The following SLC33A1 variants were observed in gnomAD, a reference collection of about 807,000 sequenced individuals.
SLC33A1 encodes solute carrier family 33 member 1, also known as acetyl-coenzyme A transporter 1.
SLC33A1 carries 20 observed loss-of-function variants against 50.0 expected under a neutral mutation model. That is an observed-to-expected ratio of 0.40 (90% CI 0.28 to 0.58). The LOEUF is 0.58. Ranked by LOEUF, SLC33A1 falls within the 20% of genes least tolerant of loss-of-function variation. SLC33A1 has a pLI of 0.44. For missense variants in SLC33A1, 476 were observed against 657.0 expected, an observed-to-expected ratio of 0.72 and a Z score of 3.01; for synonymous variants, 265 against 251.8, an observed-to-expected ratio of 1.05 and a Z score of -0.50.
intron 1 of SLC33A1, chr3:155,843,097 C>CTCTTAAACGTAGAGACCCAAAA (rs1491329019): frequency 6.6e-6 from 1 of 151,414 alleles, no homozygotes; most frequent in Non-Finnish European, 1.5e-5. Context: ...ACAGTCCTGA[C>CTCTTAAACGTAGAGACCCAAAA]TCTTAAACGT....
chr3:155,853,654 A>G lies in SLC33A1; in HGVS notation c.344T>C (p.Val115Ala), dbSNP rs1346408563. The G allele has an allele frequency of 2.5e-6, 4 of 1,614,236 alleles. No homozygotes were observed. In the South Asian group the frequency reaches 3.3e-5, roughly 13 times the overall value. ...SYTDQAFFSF[V>A]FWPFSLKLLW... ...TAATTTGAGACTGAAGGGCCAAAAG[A>G]CAAAACTGAAGAAAGCTTGGTCTGT... Residue 115 changes from valine to alanine, a missense_variant, in exon 1 of 6, where the codon GTC becomes GCC. Val to Ala is a moderately conservative substitution (Grantham distance 64). Transcript: ENST00000643144.
intron 1 of SLC33A1, chr3:155,843,133 C>G (rs899020728): frequency 6.6e-6 from 1 of 151,402 alleles, no homozygotes; most frequent in East Asian, 1.9e-4. Context: ...GTGACAACAA[C>G]AACCAAAAAG....
At chr3:155,847,363 A>G (rs1317087999) in intron 1 of SLC33A1, among the ~76,000 whole-genome samples, 1 of 152,196 alleles carries the variant, frequency 6.6e-6, no homozygotes, top group African/African-American at 2.4e-5. Context: ...TCTAACAGGC[A>G]TTTTGAGTCA....
chr3:155,848,250 C>A (rs1371414356), intron 1 of SLC33A1, among the ~76,000 whole-genome samples: 1 of 152,218 alleles, frequency 6.6e-6, no homozygotes, highest in Non-Finnish European at 1.5e-5. Flanking sequence ...ATCTTCCCAT[C>A]TCAGCCTGTC....
At chr3:155,829,264 C>G (rs1406867284) in intron 5 of SLC33A1, among the ~76,000 whole-genome samples, 1 of 152,164 alleles carries the variant, frequency 6.6e-6, no homozygotes, top group African/African-American at 2.4e-5. Flanking sequence ...TCCAGTCCAT[C>G]TACTCTAGAA....
chr3:155,833,372 A>G (rs1752523652), intron 4 of SLC33A1, 96 bp downstream of exon 4: 7 of 786,390 alleles, frequency 8.9e-6, no homozygotes, highest in Non-Finnish European at 1.6e-5. Flanking sequence ...TTCATGCTTA[A>G]AATTTATTAT....
chr3:155,825,168 G>T lies in SLC33A1; in HGVS notation c.*3042C>A. 6.6e-6 allele frequency: 1 copy of T among 151,966 alleles called. No homozygotes were observed. The highest frequency in any genetic ancestry group is 1.5e-5 in the Non-Finnish European group (1 of 67,978). The allele number at this position is 151,966 out of a possible 1,614,324, so 9.4% of individuals were successfully genotyped here. A position where few individuals can be genotyped will look rare whatever the true frequency, so the allele number is the denominator to read the frequency against. On this transcript the variant is annotated 3_prime_UTR_variant, in exon 6 of 6. Transcript: ENST00000643144. ...GGTGGAAAGATCCTTTTTTGTTGTT[G>T]AGACAGGGTCTCACTCTGTCACCCA...
rs1489858968 is a variant in SLC33A1, at chr3:155,823,170, CTGCTA to C, written c.*5035_*5039del. The C allele has an allele frequency of 3.9e-5, 6 of 152,150 alleles. No individual in the cohort carries two copies. Among genetic ancestry groups the C allele is most frequent in the Admixed American group, 3.9e-4 (6 of 15,268 alleles). The allele number at this position is 152,150 out of a possible 1,614,324, so 9.4% of individuals were successfully genotyped here. ...AGTTCAGCACATTAATTAGTCTGCC[CTGCTA>C]TAAGACCTGCCTCTTCCAAAACAGA... On this transcript the variant is annotated 3_prime_UTR_variant, in exon 6 of 6. Transcript: ENST00000643144.
chr3:155,840,990 A>AAT (rs1553777266), intron 2 of SLC33A1, among the ~76,000 whole-genome samples: 28 of 151,332 alleles, frequency 1.9e-4, no homozygotes, highest in Non-Finnish European at 4.4e-5. Context: ...TCTCAAAAAA[A>AAT]ATATATATAT....
In SLC33A1 at chr3:155,854,171, G is replaced by A. The variant is rs1753533824; in HGVS notation, c.-174C>T. On this transcript the variant is annotated 5_prime_UTR_variant, in exon 1 of 6. Transcript: ENST00000643144. Reference sequence around the variant, plus strand: ...TACTGCAGCCCGGAGTGCTGAAGCCGGGAGCCAGTCCTCTGGCTAGAGGCC... The same window carrying A: ...TACTGCAGCCCGGAGTGCTGAAGCCAGGAGCCAGTCCTCTGGCTAGAGGCC... 3.9e-6 allele frequency: 2 copies of A among 514,308 alleles called. No homozygotes were observed. Among genetic ancestry groups the A allele is most frequent in the Non-Finnish European group, 6.7e-6 (2 of 297,848 alleles). 31.9% of individuals were successfully genotyped at this position (514,308 alleles called of 1,614,324 possible).
rs2109298427 is a variant in SLC33A1, at chr3:155,825,315, A to T, written c.*2895T>A. The T allele has an allele frequency of 6.6e-6, 1 of 151,740 alleles. No homozygotes were observed. The highest frequency in any genetic ancestry group is 2.4e-5 in the African/African-American group (1 of 41,284). 9.4% of individuals were successfully genotyped at this position (151,740 alleles called of 1,614,324 possible). The stretch of plus-strand genomic sequence containing the variant: ...CTGGTGTGTACCACCATGCCTGGAT[A>T]ATTAAAAAAAAAAAAGAAGTCATAA... On this transcript the variant is annotated 3_prime_UTR_variant, in exon 6 of 6. Transcript: ENST00000643144.
intron 2 of SLC33A1, among the ~76,000 whole-genome samples, chr3:155,839,399 G>A (rs199831094): frequency 0.043 from 1,054 of 24,286 alleles, 40 homozygotes; most frequent in African/African-American, 0.14. Context: ...AAAAAAAAAA[G>A]TCTACTGGAA....
At chr3:155,847,151 C>T (rs185159804) in intron 1 of SLC33A1, among the ~76,000 whole-genome samples, 24 of 151,770 alleles carry the variant, frequency 1.6e-4, no homozygotes, top group Admixed American at 5.9e-4. Context: ...GAGGTTGCAG[C>T]GAGCCGAGAT....
Position 155,833,940 on chromosome 3 carries a change from C to T in SLC33A1, c.1065G>A (p.Leu355=), listed in dbSNP as rs768934307. The change falls in exon 3 of 6, where the codon TTG becomes TTA. Residue 355 remains leucine (L), a synonymous_variant. Coordinates refer to ENST00000643144, the MANE Select transcript of SLC33A1 (RefSeq NM_004733.4). ...TGATAATCAGAGGCAGTATTATCTG[C>T]AAAGGAACCATTGGAACTGCCAATA... ...LALLAVPMVP[L]QIILPLIISK... 2 of 1,613,722 alleles carry T rather than the reference C, an allele frequency of 1.2e-6. No individual in the cohort carries two copies. The highest frequency in any genetic ancestry group is 1.1e-5 in the South Asian group (1 of 91,068).
At chr3:155,836,779 G>A (rs890609315) in intron 2 of SLC33A1, among the ~76,000 whole-genome samples, 2 of 152,024 alleles carry the variant, frequency 1.3e-5, no homozygotes, top group African/African-American at 4.8e-5. Context: ...GCACATGCCT[G>A]TACTTGGGTG....
At chr3:155,837,278 C>A (rs1752717375) in intron 2 of SLC33A1, among the ~76,000 whole-genome samples, 1 of 151,270 alleles carries the variant, frequency 6.6e-6, no homozygotes, top group Non-Finnish European at 1.5e-5. Context: ...ATGGTGTGAA[C>A]CCAGGAGGCA....
At chr3:155,831,711 T>A (rs1024570252) in intron 4 of SLC33A1, among the ~76,000 whole-genome samples, 2 of 152,098 alleles carry the variant, frequency 1.3e-5, no homozygotes, top group African/African-American at 4.8e-5. Context: ...ATTGACTAGT[T>A]AAAGTATTTC....
chr3:155,831,231 C>T (rs964798720), intron 4 of SLC33A1, among the ~76,000 whole-genome samples: 3 of 151,672 alleles, frequency 2.0e-5, no homozygotes, highest in South Asian at 2.1e-4. Context: ...CCGAGGTGGG[C>T]GGATCACCTG....
rs1752225500 is a variant in SLC33A1, at chr3:155,827,173, A to G, written c.*1037T>C. On this transcript the variant is annotated 3_prime_UTR_variant, in exon 6 of 6. Coordinates refer to ENST00000643144, the MANE Select transcript of SLC33A1 (RefSeq NM_004733.4). The stretch of plus-strand genomic sequence containing the variant: ...CTAGTAAAGTGCTTAATTAAGAAAC[A>G]TTTTTCCACTATTAGATTTAATTTG... 1 of 152,166 alleles carries G rather than the reference A, an allele frequency of 6.6e-6. No individual in the cohort carries two copies. Among genetic ancestry groups the G allele is most frequent in the Admixed American group, 6.5e-5 (1 of 15,280 alleles). The allele number at this position is 152,166 out of a possible 1,614,324, so 9.4% of individuals were successfully genotyped here.
Sources: gnomAD v4.1 joint callset for allele counts (sites outside exome capture counted in the v4.1 genomes callset) on GRCh38, gnomAD v4.1.1 for gene constraint, MANE v1.5 for transcripts, NCBI Gene and HGNC (gene_info 2026-07-23, HGNC 2026-07-21) for gene names.